The following CFAP91 variants were observed in gnomAD, a reference collection of about 807,000 sequenced individuals.
CFAP91 encodes cilia and flagella associated protein 91.
In CFAP91, 85 loss-of-function variants were observed where a neutral mutation model predicts 95.9. The ratio of observed to expected loss-of-function variants is 0.89; its 90% CI spans 0.74 to 1.06. The LOEUF (loss-of-function observed/expected upper bound fraction) is 1.06, where lower values mean the gene tolerates loss of function less well. Ranked by LOEUF, CFAP91 falls within the 50% of genes least tolerant of loss-of-function variation. The pLI is 0.00. For synonymous variants in CFAP91, 335 were observed against 327.5 expected, an observed-to-expected ratio of 1.02 and a Z score of -0.25; for missense variants, 962 against 943.4, an observed-to-expected ratio of 1.02 and a Z score of -0.26.
rs1264701224 is a variant in CFAP91, at chr3:119,726,241, A to G, written c.753A>G (p.Glu251=). Reference sequence around the variant, plus strand: ...GAGCCCGCGAGAAGCGTGCTTGGGAAGCCTCTCTCCCCGCTCTGAGTGACA... The same window carrying G: ...GAGCCCGCGAGAAGCGTGCTTGGGAGGCCTCTCTCCCCGCTCTGAGTGACA... ...IERAREKRAW[E]ASLPALSDTS... Residue 251 remains glutamate, a synonymous_variant, in exon 7 of 18, where the codon GAA becomes GAG. Coordinates refer to ENST00000273390, the MANE Select transcript of CFAP91 (RefSeq NM_033364.4). 6.2e-7 allele frequency: 1 copy of G among 1,613,874 alleles called. No homozygotes were observed. Among genetic ancestry groups the G allele is most frequent in the Non-Finnish European group, 8.5e-7 (1 of 1,179,892 alleles).
rs564318409 is a variant in CFAP91 at position 119,751,102 on chromosome 3, A to T, written c.*1+4A>T. ...CAAAATGAGAACAACAGCTAAGGTG[A>T]GTTTGATTTTCCACCAGGAAAAAAA... On this transcript the variant is annotated splice_donor_region_variant and intron_variant, in intron 17 of 17. Transcript: ENST00000273390. The T allele has an allele frequency of 6.3e-7, 1 of 1,585,808 alleles. No homozygotes were observed. Among genetic ancestry groups the T allele is most frequent in the Admixed American group, 1.9e-5 (1 of 53,690 alleles).
intron 11 of CFAP91, among the ~76,000 whole-genome samples, chr3:119,738,867 G>A (rs1212000899): frequency 6.6e-6 from 1 of 152,158 alleles, no homozygotes; most frequent in African/African-American, 2.4e-5. Flanking sequence ...CTCTGACATA[G>A]ACTAGCTGTA....
chr3:119,741,545 A>C (rs1447514685), intron 13 of CFAP91, among the ~76,000 whole-genome samples: 1 of 152,100 alleles, frequency 6.6e-6, no homozygotes, highest in Admixed American at 6.6e-5. Flanking sequence ...CAAACCAACA[A>C]CTGTAAATAT....
chr3:119,731,817 C>T lies in CFAP91; in HGVS notation c.1019-477C>T, dbSNP rs147515073. Among the ~76,000 whole-genome samples, 6 of 152,344 alleles carry T rather than the reference C, an allele frequency of 3.9e-5. No individual in the cohort carries two copies. In the East Asian group the frequency reaches 1.2e-3, roughly 29 times the overall value. On this transcript the variant is annotated intron_variant, in intron 8 of 17. Coordinates refer to ENST00000273390, the MANE Select transcript of CFAP91 (RefSeq NM_033364.4). The stretch of plus-strand genomic sequence containing the variant: ...TGCACAGTTGAGCCTTTCCCTCTGA[C>T]TGCCAAACAGTTCAGAAAGCTGTAA...
intron 17 of CFAP91, among the ~76,000 whole-genome samples, chr3:119,753,521 G>A (rs890014319): frequency 6.6e-6 from 1 of 152,132 alleles, no homozygotes; most frequent in Non-Finnish European, 1.5e-5. Context: ...CATTATTCTA[G>A]ACCTCTATTT....
rs1406622666 is a variant in CFAP91 at position 119,766,535 on chromosome 3, A to G, written c.*1485A>G. On this transcript the variant is annotated 3_prime_UTR_variant, in exon 18 of 18. Transcript: ENST00000273390. ...ACTTTTGAAATAAACCATCGAGAAC[A>G]CAAAATGACAAGTGAGTTAGGTTGG... 6.6e-6 allele frequency: 1 copy of G among 152,210 alleles called. No individual in the cohort carries two copies. Among genetic ancestry groups the G allele is most frequent in the Non-Finnish European group, 1.5e-5 (1 of 68,042 alleles). The allele number at this position is 152,210 out of a possible 1,614,324, so 9.4% of individuals were successfully genotyped here.
At chr3:119,728,380 C>G (rs2107882311) in intron 7 of CFAP91, among the ~76,000 whole-genome samples, 1 of 152,290 alleles carries the variant, frequency 6.6e-6, no homozygotes, top group Non-Finnish European at 1.5e-5. Flanking sequence ...TGTGTCAGAA[C>G]CTGCCCTCCA....
intron 13 of CFAP91, 59 bp from the exon 14 acceptor site, chr3:119,743,916 C>T (rs1443504976): frequency 1.2e-5 from 17 of 1,427,700 alleles, no homozygotes; most frequent in Middle Eastern, 1.8e-4. Flanking sequence ...AGCACTTCTT[C>T]TAATAATCAC....
intron 6 of CFAP91, among the ~76,000 whole-genome samples, chr3:119,718,102 A>C (rs2053614118): frequency 6.6e-6 from 1 of 152,244 alleles, no homozygotes; most frequent in South Asian, 2.1e-4. Flanking sequence ...CCCAAAGCAC[A>C]CAAGGAACAG....
intron 17 of CFAP91, among the ~76,000 whole-genome samples, chr3:119,759,873 A>G (rs1577251252): frequency 6.6e-6 from 1 of 151,942 alleles, no homozygotes; most frequent in East Asian, 1.9e-4. Flanking sequence ...AAAAACCTAT[A>G]TTAAATACAC....
chr3:119,706,031 C>T (rs2053353195), intron 1 of CFAP91: 1 of 152,170 alleles, frequency 6.6e-6, no homozygotes, highest in Non-Finnish European at 1.5e-5. Context: ...ATATGTGTTA[C>T]CATGTTATCT....
chr3:119,731,708 G>A (rs1349949251), intron 8 of CFAP91, among the ~76,000 whole-genome samples: 1 of 152,204 alleles, frequency 6.6e-6, no homozygotes, highest in Non-Finnish European at 1.5e-5. Flanking sequence ...GCCGCCAAAA[G>A]GTCTTGGGTC....
intron 6 of CFAP91, among the ~76,000 whole-genome samples, chr3:119,724,831 G>A (rs545732756): frequency 3.3e-5 from 5 of 152,180 alleles, no homozygotes; most frequent in African/African-American, 1.2e-4. Context: ...TGCAACCTCC[G>A]CCTCTGGGGT....
chr3:119,708,797 A>T (rs750691711), intron 4 of CFAP91, 123 bp downstream of exon 4: 43 of 604,044 alleles, frequency 7.1e-5, no homozygotes, highest in Non-Finnish European at 1.2e-4. Flanking sequence ...TAAGTGCTTT[A>T]CATGCATATG....
At position 119,733,358 on chromosome 3, in the gene CFAP91, C is replaced by T. The variant is rs770824368; in HGVS notation, c.1202-6C>T. The T allele has an allele frequency of 2.5e-6, 4 of 1,613,510 alleles. No homozygotes were observed. Among genetic ancestry groups the T allele is most frequent in the Non-Finnish European group, 1.7e-6 (2 of 1,179,798 alleles). ...GATACTAAAAACATGTGCTTCCTTC[C>T]CATAGGATTAGTGGAACTTGAGTCA... On this transcript the variant is annotated splice_region_variant and splice_polypyrimidine_tract_variant and intron_variant, in intron 9 of 17. Transcript: ENST00000273390.
At chr3:119,708,048 G>C (rs866414941) in intron 3 of CFAP91, among the ~76,000 whole-genome samples, 5 of 152,004 alleles carry the variant, frequency 3.3e-5, no homozygotes, top group Non-Finnish European at 4.4e-5. Context: ...TTGGGAGGCC[G>C]AGGCAGGCGG....
intron 6 of CFAP91, among the ~76,000 whole-genome samples, chr3:119,716,544 T>C (rs2107864934): frequency 6.6e-6 from 1 of 152,368 alleles, no homozygotes; most frequent in East Asian, 1.9e-4. Flanking sequence ...GTTTTGATTC[T>C]TGTTTCCTGG....
At chr3:119,741,524 A>C (rs1247418459) in intron 13 of CFAP91, among the ~76,000 whole-genome samples, 1 of 152,240 alleles carries the variant, frequency 6.6e-6, no homozygotes, top group Non-Finnish European at 1.5e-5. Flanking sequence ...CACAGCTAAG[A>C]ATTACAGCTC....
intron 17 of CFAP91, among the ~76,000 whole-genome samples, chr3:119,751,623 C>T (rs957205464): frequency 4.6e-5 from 7 of 152,176 alleles, no homozygotes; most frequent in African/African-American, 1.7e-4. Flanking sequence ...AAATATAAGA[C>T]AGGAAACAGC....
Sources: allele counts gnomAD v4.1 joint callset (sites outside exome capture counted in the v4.1 genomes callset), GRCh38; gene constraint gnomAD v4.1.1; transcripts MANE v1.5; gene names NCBI Gene and HGNC (gene_info 2026-07-23, HGNC 2026-07-21).